RFTN1: variants seen among roughly 807,000 people sequenced by gnomAD.
The protein encoded by RFTN1 is raftlin.
A neutral mutation model predicts 46.5 loss-of-function variants in RFTN1; 26 were observed. The observed-to-expected ratio is 0.56, with a 90% CI of 0.41 to 0.78. The LOEUF is 0.78. Among genes scored for constraint, RFTN1 ranks in the 30% least tolerant of loss-of-function variants. The pLI, the probability that RFTN1 is intolerant of heterozygous loss-of-function variation, is 0.00. For synonymous variants in RFTN1, 261 were observed against 284.2 expected, an observed-to-expected ratio of 0.92 and a Z score of 0.82; for missense variants, 693 against 718.7, an observed-to-expected ratio of 0.96 and a Z score of 0.41.
At chr3:16,485,704 C>T (rs2076437669) in intron 2 of RFTN1, among the ~76,000 whole-genome samples, 1 of 152,256 alleles carries the variant, frequency 6.6e-6, no homozygotes, top group Non-Finnish European at 1.5e-5. Flanking sequence ...GATAGTTCTA[C>T]AAATGTTTAC....
rs888008072 is a variant in RFTN1, at chr3:16,481,308, A to G, written c.145+12417T>C. On this transcript the variant is annotated intron_variant, in intron 2 of 9. Transcript: ENST00000334133. This position sits in a 1 kb window ranked among gnomAD's most constrained non-coding sequence, Gnocchi z 5.1. ...AGAAAAACTTAAAGCTACGTCACAC[A>G]TATTATCTCATTTATCTTTTGAAAA... is the stretch of plus-strand genomic sequence containing the variant. 6.6e-6 allele frequency among the ~76,000 whole-genome samples: 1 copy of G among 152,300 alleles called. No homozygotes were observed. Among genetic ancestry groups the G allele is most frequent in the African/African-American group, 2.4e-5 (1 of 41,570 alleles).
Position 16,316,820 on chromosome 3 carries a change from C to T in RFTN1, c.*8G>A. The T allele has an allele frequency of 6.2e-7, 1 of 1,613,486 alleles. No homozygotes were observed. Among genetic ancestry groups the T allele is most frequent in the East Asian group, 2.2e-5 (1 of 44,870 alleles). The stretch of plus-strand genomic sequence containing the variant: ...ACTCACCTAGTTTTAGCACAAATTG[C>T]CCAAGACTCAGTTTTCTTCAACCGT... On this transcript the variant is annotated 3_prime_UTR_variant, in exon 10 of 10. Coordinates refer to ENST00000334133, the MANE Select transcript of RFTN1 (RefSeq NM_015150.2). This position sits in a 1 kb window ranked among gnomAD's most constrained non-coding sequence, Gnocchi z 4.5.
At position 16,468,304 on chromosome 3, in the gene RFTN1, T is replaced by A. The variant is rs939779255; in HGVS notation, c.145+25421A>T. 6.6e-6 allele frequency among the ~76,000 whole-genome samples: 1 copy of A among 152,274 alleles called. No individual in the cohort carries two copies. Among genetic ancestry groups the A allele is most frequent in the South Asian group, 2.1e-4 (1 of 4,822 alleles). ...AGGAGTTCCCAAACCCTCACTGTCG[T>A]TCGTTTTTGAAGTACCTGCATTCTG... On this transcript the variant is annotated intron_variant, in intron 2 of 9. Transcript: ENST00000334133. The surrounding 1 kb of genome is among the most constrained non-coding windows in gnomAD (Gnocchi z 4.4).
rs1401008490 is a variant in RFTN1, at chr3:16,429,713, G to A, written c.332+4138C>T. 6.6e-6 allele frequency among the ~76,000 whole-genome samples: 1 copy of A among 152,184 alleles called. No individual in the cohort carries two copies. Among genetic ancestry groups the A allele is most frequent in the Non-Finnish European group, 1.5e-5 (1 of 68,028 alleles). On this transcript the variant is annotated intron_variant, in intron 3 of 9. Coordinates refer to ENST00000334133, the MANE Select transcript of RFTN1 (RefSeq NM_015150.2). This position sits in a 1 kb window ranked among gnomAD's most constrained non-coding sequence, Gnocchi z 6.4. ...TGAGTGAGGGGATAAATGCAGGCTT[G>A]AGGGGTTCCGTCTGGTGTTTCTGGC...
intron 2 of RFTN1, among the ~76,000 whole-genome samples, chr3:16,476,151 T>C (rs755489513): frequency 6.6e-6 from 1 of 152,234 alleles, no homozygotes; most frequent in Non-Finnish European, 1.5e-5. Context: ...GCATCCTCGC[T>C]TTGCCAGTTG....
Position 16,500,223 on chromosome 3 carries a change from T to C in RFTN1, c.-8-6346A>G, listed in dbSNP as rs879285509. ...ACAGCTCCACCCTTCCAAATTCCTA[T>C]GCTCACCTCACACTGACACCTAATG... is the stretch of plus-strand genomic sequence containing the variant. On this transcript the variant is annotated intron_variant, in intron 1 of 9. Transcript: ENST00000334133. The surrounding 1 kb of genome is among the most constrained non-coding windows in gnomAD (Gnocchi z 5.9). 6.6e-6 allele frequency among the ~76,000 whole-genome samples: 1 copy of C among 152,234 alleles called. No individual in the cohort carries two copies. Among genetic ancestry groups the C allele is most frequent in the Non-Finnish European group, 1.5e-5 (1 of 68,038 alleles).
chr3:16,340,194 C>T (rs2071221324), intron 7 of RFTN1, among the ~76,000 whole-genome samples: 1 of 152,236 alleles, frequency 6.6e-6, no homozygotes, highest in South Asian at 2.1e-4. Context: ...CCTGTTTCTC[C>T]ATCTCTTGAC....
In RFTN1 at chr3:16,499,150, G is replaced by T. The variant is rs930021006; in HGVS notation, c.-8-5273C>A. 2.0e-5 allele frequency among the ~76,000 whole-genome samples: 3 copies of T among 152,180 alleles called. No homozygotes were observed. Among genetic ancestry groups the T allele is most frequent in the African/African-American group, 7.2e-5 (3 of 41,432 alleles). ...CTCAGTAGAAGGACATCTCTCACAT[G>T]GGTCAAAGTCTCTAGTAAGGTGGAA... On this transcript the variant is annotated intron_variant, in intron 1 of 9. Transcript: ENST00000334133. The surrounding 1 kb of genome is among the most constrained non-coding windows in gnomAD (Gnocchi z 4.9).
At position 16,320,198 on chromosome 3, in the gene RFTN1, C is replaced by T. The variant is rs1447169273; in HGVS notation, c.1333-2966G>A. Among the ~76,000 whole-genome samples, 2 of 152,210 alleles carry T rather than the reference C, an allele frequency of 1.3e-5. No homozygotes were observed. Among genetic ancestry groups the T allele is most frequent in the African/African-American group, 4.8e-5 (2 of 41,450 alleles). ...TAGTTTAGCTGGAAGGAAGTCTTCC[C>T]GAGTTGTAGAAATCACCTACTCCCT... On this transcript the variant is annotated intron_variant, in intron 9 of 9. Transcript: ENST00000334133. The surrounding 1 kb of genome is among the most constrained non-coding windows in gnomAD (Gnocchi z 4.5).
In RFTN1 at chr3:16,484,386, A is replaced by G. The variant is rs1057135335; in HGVS notation, c.145+9339T>C. On this transcript the variant is annotated intron_variant, in intron 2 of 9. Coordinates refer to ENST00000334133, the MANE Select transcript of RFTN1 (RefSeq NM_015150.2). The surrounding 1 kb of genome is among the most constrained non-coding windows in gnomAD (Gnocchi z 4.6). ...TAAGGAATGTCATCCTGTTATTATC[A>G]TGACCACCCAAAATTTATATACAGA... is the stretch of plus-strand genomic sequence containing the variant. 2.6e-5 allele frequency among the ~76,000 whole-genome samples: 4 copies of G among 152,200 alleles called. No individual in the cohort carries two copies. Among genetic ancestry groups the G allele is most frequent in the Admixed American group, 2.0e-4 (3 of 15,278 alleles).
chr3:16,476,794 T>C (rs998695385), intron 2 of RFTN1, among the ~76,000 whole-genome samples: 3 of 152,204 alleles, frequency 2.0e-5, no homozygotes, highest in African/African-American at 7.2e-5. Flanking sequence ...AAATCAGATA[T>C]AGCTTAGTGG....
chr3:16,441,830 T>C (rs998634836), intron 2 of RFTN1, among the ~76,000 whole-genome samples: 2 of 152,238 alleles, frequency 1.3e-5, no homozygotes, highest in African/African-American at 2.4e-5. Context: ...CAAATCTCTC[T>C]TTTTTAAAAA....
intron 3 of RFTN1, among the ~76,000 whole-genome samples, chr3:16,416,803 T>C (rs555269610): frequency 7.9e-5 from 12 of 152,332 alleles, no homozygotes; most frequent in African/African-American, 2.2e-4. Context: ...ATGGGGTCTA[T>C]GCTTCCTCTG....
In RFTN1 at chr3:16,425,634, G is replaced by A. The variant is rs982658524; in HGVS notation, c.332+8217C>T. 6.6e-6 allele frequency among the ~76,000 whole-genome samples: 1 copy of A among 152,166 alleles called. No individual in the cohort carries two copies. Among genetic ancestry groups the A allele is most frequent in the African/African-American group, 2.4e-5 (1 of 41,434 alleles). On this transcript the variant is annotated intron_variant, in intron 3 of 9. Coordinates refer to ENST00000334133, the MANE Select transcript of RFTN1 (RefSeq NM_015150.2). The surrounding 1 kb of genome is among the most constrained non-coding windows in gnomAD (Gnocchi z 4.3). The stretch of plus-strand genomic sequence containing the variant: ...AATGCTTTGGAGGAAGAGAACAAGA[G>A]TAACTCGGCAAGCCATTTAGGAGTG...
intron 3 of RFTN1, among the ~76,000 whole-genome samples, chr3:16,430,468 C>CAA (rs113135376): frequency 6.6e-6 from 1 of 151,552 alleles, no homozygotes; most frequent in African/African-American, 2.4e-5. Context: ...CCCCATAATA[C>CAA]AAAAAAAATG....
At chr3:16,326,049 C>A (rs2069656917) in intron 8 of RFTN1, among the ~76,000 whole-genome samples, 1 of 152,224 alleles carries the variant, frequency 6.6e-6, no homozygotes, top group Non-Finnish European at 1.5e-5. Flanking sequence ...CCAAGCCTCC[C>A]CTAGCCTCAG....
At position 16,434,046 on chromosome 3, in the gene RFTN1, G is replaced by C. The variant is rs1244968130; in HGVS notation, c.146-9C>G. On this transcript the variant is annotated splice_polypyrimidine_tract_variant and intron_variant, in intron 2 of 9. Transcript: ENST00000334133. ...GGACCCAGGGAGCTCCGCTGGAGTG[G>C]AGAGAGGAGAGGCTCATCAAAGACC... The C allele has an allele frequency of 1.3e-6, 2 of 1,572,866 alleles. No individual in the cohort carries two copies. The highest frequency in any genetic ancestry group is 3.7e-5 in the Admixed American group (2 of 54,582).
Position 16,473,047 on chromosome 3 carries a change from T to C in RFTN1, c.145+20678A>G, listed in dbSNP as rs1265106919. ...ATGATACTAGGAAATCTGTTGGCTA[T>C]AAATGAACTCATCGATAACACTCAT... On this transcript the variant is annotated intron_variant, in intron 2 of 9. Transcript: ENST00000334133. The surrounding 1 kb of genome is among the most constrained non-coding windows in gnomAD (Gnocchi z 5.3). 6.6e-6 allele frequency among the ~76,000 whole-genome samples: 1 copy of C among 152,358 alleles called. No homozygotes were observed. Among genetic ancestry groups the C allele is most frequent in the Admixed American group, 6.5e-5 (1 of 15,306 alleles).
At chr3:16,472,791 G>C (rs1342359579) in intron 2 of RFTN1, among the ~76,000 whole-genome samples, 1 of 152,176 alleles carries the variant, frequency 6.6e-6, no homozygotes, top group East Asian at 1.9e-4. Context: ...CATTACACAG[G>C]AGTGACGCCT....
Sources: gnomAD v4.1 joint callset for allele counts (sites outside exome capture counted in the v4.1 genomes callset) on GRCh38, gnomAD v4.1.1 for gene constraint, Gnocchi (gnomAD v3.1) non-coding constraint, MANE v1.5 for transcripts, NCBI Gene and HGNC (gene_info 2026-07-23, HGNC 2026-07-21) for gene names.